Variants in MTO1 observed in about 807,000 individuals in gnomAD.
MTO1 encodes the protein mitochondrial tRNA translation optimization 1.
Under a neutral mutation model 71.6 loss-of-function variants are expected in MTO1, and 46 were observed. That is an observed-to-expected ratio of 0.64 (90% CI 0.51 to 0.82). The LOEUF is 0.82. MTO1 is among the 40% of genes least tolerant of loss of function. The pLI, the probability that MTO1 is intolerant of heterozygous loss-of-function variation, is 0.00. For synonymous variants in MTO1, 297 were observed against 312.1 expected (o/e 0.95, Z 0.51); for missense variants, 773 against 867.5 (o/e 0.89, Z 1.37).
chr6:73,482,300 T>C, intron 8 of MTO1, 56 bp downstream of exon 8: 3 of 1,594,146 alleles, frequency 1.9e-6, no homozygotes, highest in Non-Finnish European at 2.6e-6. Flanking sequence ...ACACCTATAA[T>C]CCAAGCAATT....
chr6:73,476,490 T>A (rs1771326773), intron 4 of MTO1, among the ~76,000 whole-genome samples: 1 of 152,064 alleles, frequency 6.6e-6, no homozygotes, highest in Admixed American at 6.6e-5. Context: ...TGTAAGACTT[T>A]TCTCAATGTA....
chr6:73,492,682 A>G (rs1169949837), intron 10 of MTO1: 1 of 224,578 alleles, frequency 4.5e-6, no homozygotes, highest in Non-Finnish European at 9.1e-6. Flanking sequence ...ATGTGAAGAT[A>G]CATGCCTGTA....
Position 73,492,306 on chromosome 6 carries a change from G to A in MTO1, c.1710G>A (p.Lys570=). 1 of 1,613,816 alleles carries A rather than the reference G, an allele frequency of 6.2e-7. No homozygotes were observed. The highest frequency in any genetic ancestry group is 8.5e-7 in the Non-Finnish European group (1 of 1,179,762). The part of the protein sequence containing the change: ...SLAKAVPEPL[K]KYTKCRELAE... The stretch of plus-strand genomic sequence containing the variant: ...CCAAGGCTGTTCCAGAGCCCTTGAA[G>A]AAGTATACTAAATGTAGAGAGCTGG... Residue 570 remains lysine (K), a synonymous_variant, in exon 10 of 12, where the codon AAG becomes AAA. Transcript: ENST00000498286.
At chr6:73,482,947 G>A (rs907484193) in intron 9 of MTO1, among the ~76,000 whole-genome samples, 1 of 151,244 alleles carries the variant, frequency 6.6e-6, no homozygotes, top group Non-Finnish European at 1.5e-5. Flanking sequence ...GCCTGCCACC[G>A]CGCCCGGCTA....
intron 10 of MTO1, among the ~76,000 whole-genome samples, chr6:73,492,921 T>C (rs1771856924): frequency 6.6e-6 from 1 of 150,406 alleles, no homozygotes. Context: ...ACATTTCAAA[T>C]AAGTGGTACT....
At chr6:73,491,362 A>T (rs1412579146) in intron 9 of MTO1, among the ~76,000 whole-genome samples, 1 of 150,844 alleles carries the variant, frequency 6.6e-6, no homozygotes, top group Non-Finnish European at 1.5e-5. Flanking sequence ...AGGTACGCAG[A>T]TCACCTGGGC....
At chr6:73,463,044 G>A (rs1318612050) in intron 1 of MTO1, among the ~76,000 whole-genome samples, 2 of 145,874 alleles carry the variant, frequency 1.4e-5, no homozygotes, top group Admixed American at 1.4e-4. Flanking sequence ...TTTCTTTTGA[G>A]ACAGAGTCTT....
chr6:73,463,253 G>T (rs539047478), intron 1 of MTO1, among the ~76,000 whole-genome samples: 1 of 151,520 alleles, frequency 6.6e-6, no homozygotes, highest in Admixed American at 6.6e-5. Context: ...GGATGGTCTC[G>T]ATCTCCTGAC....
intron 9 of MTO1, 148 bp from the exon 10 acceptor site, chr6:73,492,086 A>G: frequency 1.9e-6 from 1 of 537,952 alleles, no homozygotes. Flanking sequence ...GATGGGCGAC[A>G]GAGCGAGACT....
chr6:73,482,005 A>G (rs766280873), intron 7 of MTO1, 35 bp from the exon 8 acceptor site: 3 of 1,611,906 alleles, frequency 1.9e-6, no homozygotes, highest in Admixed American at 1.7e-5. Flanking sequence ...TGTTTAGTTC[A>G]TAATGGCCTT....
chr6:73,472,835 AGTTTTTTATAT>A (rs1314667301), intron 3 of MTO1, among the ~76,000 whole-genome samples: 1 of 152,190 alleles, frequency 6.6e-6, no homozygotes, highest in African/African-American at 2.4e-5. Flanking sequence ...AAATATATAC[AGTTTTTTATAT>A]GTCTGTTATA....
rs1772203135 is a variant in MTO1 at position 73,503,043 on chromosome 6, CTG to C, written c.*2310_*2311del. On this transcript the variant is annotated 3_prime_UTR_variant, in exon 12 of 12. Coordinates refer to ENST00000498286, the MANE Select transcript of MTO1 (RefSeq NM_012123.4). ...TAATGCTATTCCATTACAATAGTAACTGTCTCACTGAAAAATGTTTCATGGAA... is the reference window on the plus strand; with the variant it reads ...TAATGCTATTCCATTACAATAGTAACTCTCACTGAAAAATGTTTCATGGAA... 6.6e-6 allele frequency: 1 copy of C among 152,222 alleles called. No homozygotes were observed. Among genetic ancestry groups the C allele is most frequent in the African/African-American group, 2.4e-5 (1 of 41,460 alleles). The allele number at this position is 152,222 out of a possible 1,614,324, so 9.4% of individuals were successfully genotyped here.
chr6:73,494,400 A>G (rs368759635), intron 10 of MTO1, among the ~76,000 whole-genome samples: 2 of 152,268 alleles, frequency 1.3e-5, no homozygotes, highest in African/African-American at 4.8e-5. Context: ...TCAAACAGGA[A>G]AAGACTATGC....
rs35121302 is a variant in MTO1, at chr6:73,482,789, CTT to C, written c.1637+190_1637+191del. Among the ~76,000 whole-genome samples, 434 of 92,114 alleles carry C rather than the reference CTT, an allele frequency of 4.7e-3. 8 individuals carry two copies. The East Asian group carries it at 0.13, about 27-fold the overall frequency. The allele number at this position is 92,114 out of a possible 152,430, so 60.4% of individuals were successfully genotyped here. A position where few individuals can be genotyped will look rare whatever the true frequency, so the allele number is the denominator to read the frequency against. ...TAGCTGTAACTCATCTTTTTTCTTT[CTT>C]TTTTTTTTTTTTTTTTTTTTGAGAC... is the stretch of plus-strand genomic sequence containing the variant. On this transcript the variant is annotated intron_variant, in intron 9 of 11. Transcript: ENST00000498286.
rs1771798730 is a variant in MTO1, at chr6:73,491,368, T to G, written c.1638-866T>G. Among the ~76,000 whole-genome samples, 16 of 141,828 alleles carry G rather than the reference T, an allele frequency of 1.1e-4. 1 individual carries two copies. The South Asian group carries it at 3.5e-3, about 31-fold the overall frequency. 93.0% of individuals were successfully genotyped at this position (141,828 alleles called of 152,430 possible). On this transcript the variant is annotated intron_variant, in intron 9 of 11. Coordinates refer to ENST00000498286, the MANE Select transcript of MTO1 (RefSeq NM_012123.4). ...GGGAGGCCGAGGTACGCAGATCACC[T>G]GGGCAACATGACAAAACCCTGTCTC...
chr6:73,496,665 G>A (rs893273432), intron 10 of MTO1, among the ~76,000 whole-genome samples: 1 of 131,002 alleles, frequency 7.6e-6, no homozygotes. Context: ...AGAGTGTGAT[G>A]TTCCCCTTCC....
Position 73,462,158 on chromosome 6 carries a change from C to T in MTO1, c.217+87C>T, listed in dbSNP as rs549840710. 2.8e-6 allele frequency: 4 copies of T among 1,404,808 alleles called. No individual in the cohort carries two copies. In the African/African-American group the frequency reaches 5.7e-5, roughly 20 times the overall value. The allele number at this position is 1,404,808 out of a possible 1,614,324, so 87.0% of individuals were successfully genotyped here. On this transcript the variant is annotated intron_variant, in intron 1 of 11. Coordinates refer to ENST00000498286, the MANE Select transcript of MTO1 (RefSeq NM_012123.4). The stretch of plus-strand genomic sequence containing the variant: ...CCCGGTCTGAAGCGGGGGACCTCTT[C>T]CTTTCCTCAAAGCTAGTGAGAATCC...
Position 73,480,002 on chromosome 6 carries a change from A to G in MTO1, c.1005A>G (p.Glu335=). The stretch of plus-strand genomic sequence containing the variant: ...ACCGTCTACATCAGGTTTGGTTGGA[A>G]CCTGAAGGAATGGATTCTGACCTTA... The part of the protein sequence containing the change: ...FPNRLHQVWL[E]PEGMDSDLIY... The change falls in exon 6 of 12, where the codon GAA becomes GAG. Residue 335 remains glutamate (E), a synonymous_variant. Coordinates refer to ENST00000498286, the MANE Select transcript of MTO1 (RefSeq NM_012123.4). 6.2e-7 allele frequency: 1 copy of G among 1,614,144 alleles called. No homozygotes were observed. The highest frequency in any genetic ancestry group is 2.2e-5 in the East Asian group (1 of 44,878).
At chr6:73,468,370 C>T (rs1478061088) in intron 3 of MTO1, among the ~76,000 whole-genome samples, 1 of 152,072 alleles carries the variant, frequency 6.6e-6, no homozygotes. Flanking sequence ...CCGCCCACCT[C>T]AGCGTCTGAA....
Sources: allele counts gnomAD v4.1 joint callset (sites outside exome capture counted in the v4.1 genomes callset), GRCh38; gene constraint gnomAD v4.1.1; transcripts MANE v1.5; gene names NCBI Gene and HGNC (gene_info 2026-07-23, HGNC 2026-07-21).